The following RYR3 variants were observed in gnomAD, a reference collection of about 807,000 sequenced individuals.
RYR3 encodes ryanodine receptor 3.
RYR3 carries 207 observed loss-of-function variants against 584.3 expected under a neutral mutation model. The observed-to-expected ratio is 0.35, with a 90% CI of 0.32 to 0.40. The LOEUF is 0.40. RYR3 is among the 10% of genes least tolerant of loss of function. The pLI is 1.00. For missense variants in RYR3, 5,616 were observed against 6,089.2 expected (o/e 0.92, Z 2.59); for synonymous variants, 2,416 against 2,248.5 (o/e 1.07, Z -2.11).
intron 1 of RYR3, among the ~76,000 whole-genome samples, chr15:33,451,251 C>G (rs947433429): frequency 6.6e-6 from 1 of 152,156 alleles, no homozygotes; most frequent in African/African-American, 2.4e-5. Flanking sequence ...CAGTAGATAG[C>G]AGTGACCTTC....
intron 69 of RYR3, among the ~76,000 whole-genome samples, chr15:33,805,129 T>C (rs546440238): frequency 6.6e-6 from 1 of 152,320 alleles, no homozygotes; most frequent in South Asian, 2.1e-4. Flanking sequence ...TGAGCAAGTG[T>C]TTTTTGTTTT....
At position 33,488,782 on chromosome 15, in the gene RYR3, C is replaced by T. The variant is rs145824396; in HGVS notation, c.172-14849C>T. ...CAGGTAATCGCTTGAACCCAGGAGG[C>T]GGGGGTTGCAGTGAGCCGAGACTGC... On this transcript the variant is annotated intron_variant, in intron 2 of 103. Transcript: ENST00000634891. Among the ~76,000 whole-genome samples, 11 of 152,180 alleles carry T rather than the reference C, an allele frequency of 7.2e-5. No homozygotes were observed. The East Asian group carries it at 1.2e-3, about 16-fold the overall frequency.
intron 19 of RYR3, among the ~76,000 whole-genome samples, chr15:33,618,949 G>A (rs189996275): frequency 4.7e-4 from 71 of 152,268 alleles, no homozygotes; most frequent in Admixed American, 1.2e-3. Context: ...TCTCAAAGAC[G>A]AAGTTGAAAA....
chr15:33,409,057 G>T (rs573855684), intron 1 of RYR3, among the ~76,000 whole-genome samples: 2 of 152,244 alleles, frequency 1.3e-5, no homozygotes, highest in East Asian at 3.9e-4. Context: ...TGCATTAGGG[G>T]TTTGCTTTTT....
At position 33,360,124 on chromosome 15, in the gene RYR3, C is replaced by T. The variant is rs540669708; in HGVS notation, c.51+49028C>T. Reference sequence around the variant, plus strand: ...CCAGCACTTAGTACTTGACTCGTGGCGGTGCTCCATATAAATAAATTTTGA... The same window carrying T: ...CCAGCACTTAGTACTTGACTCGTGGTGGTGCTCCATATAAATAAATTTTGA... On this transcript the variant is annotated intron_variant, in intron 1 of 103. Coordinates refer to ENST00000634891, the MANE Select transcript of RYR3 (RefSeq NM_001036.6). Among the ~76,000 whole-genome samples the T allele has an allele frequency of 2.0e-5, 3 of 152,168 alleles. No individual in the cohort carries two copies. In the South Asian group the frequency reaches 6.2e-4, roughly 32 times the overall value.
intron 15 of RYR3, 33 bp from the exon 16 acceptor site, chr15:33,585,965 T>C: frequency 7.5e-7 from 1 of 1,338,902 alleles, no homozygotes; most frequent in Non-Finnish European, 1.1e-6. Context: ...GGGCATTTAA[T>C]GTCCAAATTT....
At chr15:33,651,426 C>T (rs1362775829) in intron 31 of RYR3, among the ~76,000 whole-genome samples, 2 of 152,218 alleles carry the variant, frequency 1.3e-5, no homozygotes, top group Non-Finnish European at 1.5e-5. Context: ...TTTGCACTGG[C>T]CCCTGCCTGA....
At chr15:33,374,314 T>C (rs1342845239) in intron 1 of RYR3, among the ~76,000 whole-genome samples, 1 of 152,090 alleles carries the variant, frequency 6.6e-6, no homozygotes, top group Non-Finnish European at 1.5e-5. Flanking sequence ...CTCCATAGTA[T>C]CCTTGTCTCC....
intron 10 of RYR3, among the ~76,000 whole-genome samples, chr15:33,558,103 GTTT>G (rs1157936259): frequency 7.7e-6 from 1 of 129,788 alleles, no homozygotes; most frequent in Non-Finnish European, 1.8e-5. Context: ...AAATTTATTT[GTTT>G]TTTATTATAC....
At chr15:33,673,529 T>G (rs1049712895) in intron 38 of RYR3, among the ~76,000 whole-genome samples, 1 of 152,196 alleles carries the variant, frequency 6.6e-6, no homozygotes, top group Non-Finnish European at 1.5e-5. Context: ...CTAAGTCACT[T>G]TTTTTTCGTA....
At chr15:33,573,513 GA>G (rs1407447721) in intron 12 of RYR3, among the ~76,000 whole-genome samples, 1 of 152,210 alleles carries the variant, frequency 6.6e-6, no homozygotes, top group Non-Finnish European at 1.5e-5. Flanking sequence ...CCAGTAGAAT[GA>G]ACAGTGTGAT....
chr15:33,398,422 G>A (rs2042427852), intron 1 of RYR3, among the ~76,000 whole-genome samples: 1 of 152,190 alleles, frequency 6.6e-6, no homozygotes, highest in Non-Finnish European at 1.5e-5. Context: ...AGTGAATGGT[G>A]TTCGGCAACT....
chr15:33,784,187 A>C (rs1052610152), intron 65 of RYR3, among the ~76,000 whole-genome samples: 4 of 152,202 alleles, frequency 2.6e-5, no homozygotes. Flanking sequence ...CATTCTCTCC[A>C]AGATAGCTGG....
chr15:33,478,228 C>A (rs2049604426), intron 2 of RYR3, among the ~76,000 whole-genome samples: 1 of 152,080 alleles, frequency 6.6e-6, no homozygotes, highest in South Asian at 2.1e-4. Flanking sequence ...TGGGATGTGT[C>A]AAGTACTGCA....
chr15:33,695,712 T>C (rs1296865439), intron 38 of RYR3, among the ~76,000 whole-genome samples: 1 of 152,156 alleles, frequency 6.6e-6, no homozygotes, highest in East Asian at 1.9e-4. Flanking sequence ...TTTATTGTTA[T>C]ATAGCCGGTT....
At chr15:33,533,778 A>G (rs973188465) in intron 5 of RYR3, among the ~76,000 whole-genome samples, 1 of 152,202 alleles carries the variant, frequency 6.6e-6, no homozygotes, top group African/African-American at 2.4e-5. Flanking sequence ...GAGTAGTCCT[A>G]TTTTGTTCTG....
At chr15:33,828,241 A>ATCTCCCTCCT (rs1483859344) in intron 85 of RYR3, among the ~76,000 whole-genome samples, 1 of 152,094 alleles carries the variant, frequency 6.6e-6, no homozygotes, top group Non-Finnish European at 1.5e-5. Flanking sequence ...CTGTTCCTCC[A>ATCTCCCTCCT]TCTCCCTCCT....
At chr15:33,744,108 G>A (rs993007625) in intron 52 of RYR3, among the ~76,000 whole-genome samples, 2 of 151,972 alleles carry the variant, frequency 1.3e-5, no homozygotes, top group East Asian at 1.9e-4. Context: ...GCCTGAGCCT[G>A]CCAGATACCC....
At chr15:33,357,003 G>T (rs1453386916) in intron 1 of RYR3, among the ~76,000 whole-genome samples, 1 of 152,110 alleles carries the variant, frequency 6.6e-6, no homozygotes, top group Non-Finnish European at 1.5e-5. Context: ...CTCTTGGAAG[G>T]GTCTTTAGGA....
Sources: allele counts gnomAD v4.1 joint callset (sites outside exome capture counted in the v4.1 genomes callset), GRCh38; gene constraint gnomAD v4.1.1; transcripts MANE v1.5; gene names NCBI Gene and HGNC (gene_info 2026-07-23, HGNC 2026-07-21).